Variants in CCDC13 observed in about 807,000 individuals in gnomAD.
The protein encoded by CCDC13 is coiled-coil domain containing 13.
CCDC13 carries 70 observed loss-of-function variants against 87.3 expected under a neutral mutation model. The ratio of observed to expected loss-of-function variants is 0.80; its 90% CI spans 0.66 to 0.98. The LOEUF is 0.98. Ranked by LOEUF, CCDC13 falls within the 50% of genes least tolerant of loss-of-function variation. The pLI, the probability that CCDC13 is intolerant of heterozygous loss-of-function variation, is 0.00. For synonymous variants in CCDC13, 317 were observed against 360.3 expected, an observed-to-expected ratio of 0.88 and a Z score of 1.36; for missense variants, 842 against 892.0, an observed-to-expected ratio of 0.94 and a Z score of 0.71.
intron 4 of CCDC13, among the ~76,000 whole-genome samples, 179 bp from the exon 5 acceptor site, chr3:42,752,204 A>G (rs1699602657): frequency 6.6e-6 from 1 of 152,208 alleles, no homozygotes. Flanking sequence ...AGAGGGTTTA[A>G]TTGATTGTCT....
intron 14 of CCDC13, among the ~76,000 whole-genome samples, chr3:42,711,740 TG>T (rs779884922): frequency 6.6e-6 from 1 of 152,172 alleles, no homozygotes; most frequent in African/African-American, 2.4e-5. Flanking sequence ...ATTTTACGGA[TG>T]GGCCAGGGGG....
rs1698170636 is a variant in CCDC13 at position 42,706,051 on chromosome 3, ATCATG to A, written c.*2924_*2928del. 1 of 152,304 alleles carries A rather than the reference ATCATG, an allele frequency of 6.6e-6. No individual in the cohort carries two copies. The highest frequency in any genetic ancestry group is 2.1e-4 in the South Asian group (1 of 4,828). The allele number at this position is 152,304 out of a possible 1,614,324, so 9.4% of individuals were successfully genotyped here. ...CCTGCATCCTTCCCCACCCAGCTCCATCATGGCGTTTCCCACACCTCTGATTGGAC... is the reference window on the plus strand; with the variant it reads ...CCTGCATCCTTCCCCACCCAGCTCCAGCGTTTCCCACACCTCTGATTGGAC... On this transcript the variant is annotated 3_prime_UTR_variant, in exon 16 of 16. Transcript: ENST00000310232.
At position 42,766,675 on chromosome 3, in the gene CCDC13, G is replaced by A. The variant is rs576769535; in HGVS notation, c.-7+6501C>T. ...TCCTCTCCAAGAATATTAGCAAATT[G>A]AATCCAATGATGTATTTGAAAAATT... On this transcript the variant is annotated intron_variant, in intron 1 of 15. Transcript: ENST00000310232. 2.1e-4 allele frequency among the ~76,000 whole-genome samples: 31 copies of A among 150,368 alleles called. No homozygotes were observed. In the East Asian group the frequency reaches 5.1e-3, roughly 25 times the overall value.
Position 42,746,009 on chromosome 3 carries a change from C to G in CCDC13, c.739G>C (p.Gly247Arg). The change falls in exon 7 of 16, where the codon GGG becomes CGG. Residue 247 changes from glycine to arginine, a missense_variant. Gly to Arg is a moderately radical substitution (Grantham distance 125, BLOSUM62 -2). Transcript: ENST00000310232. ...MAQKVLAREV[G>R]EDINVQQLLS... ...AGCTGCTGAACGTTGATGTCTTCCC[C>G]AACCTCTCTGGCCAAAACCTGAAAT... 1 of 1,614,146 alleles carries G rather than the reference C, an allele frequency of 6.2e-7. No homozygotes were observed. Among genetic ancestry groups the G allele is most frequent in the South Asian group, 1.1e-5 (1 of 91,086 alleles).
At chr3:42,722,834 T>C (rs1439612125) in intron 13 of CCDC13, among the ~76,000 whole-genome samples, 1 of 143,976 alleles carries the variant, frequency 6.9e-6, no homozygotes, top group Non-Finnish European at 1.5e-5. Flanking sequence ...TCTCGCTCAG[T>C]CACCCAGGCT....
intron 13 of CCDC13, among the ~76,000 whole-genome samples, 173 bp downstream of exon 13, chr3:42,730,294 T>C (rs1017809026): frequency 2.6e-5 from 4 of 151,850 alleles, no homozygotes; most frequent in Non-Finnish European, 4.4e-5. Flanking sequence ...CAAAACACAG[T>C]GTGACGACAA....
At chr3:42,754,832 AT>A (rs1553692506) in intron 3 of CCDC13, among the ~76,000 whole-genome samples, 2 of 151,398 alleles carry the variant, frequency 1.3e-5, no homozygotes, top group African/African-American at 2.4e-5. Context: ...TCCTCTGGGT[AT>A]TTTTTTTTCC....
intron 1 of CCDC13, 124 bp from the exon 2 acceptor site, chr3:42,758,475 A>G (rs1699759448): frequency 2.3e-6 from 2 of 878,032 alleles, no homozygotes; most frequent in Non-Finnish European, 1.7e-6. Context: ...ATGTCCACGC[A>G]GAAGCTTGGA....
intron 1 of CCDC13, among the ~76,000 whole-genome samples, chr3:42,767,593 G>C (rs1274253867): frequency 6.6e-6 from 1 of 152,166 alleles, no homozygotes; most frequent in Non-Finnish European, 1.5e-5. Flanking sequence ...TGATTCCAAA[G>C]TTTATGTGGA....
At chr3:42,733,363 A>T in intron 11 of CCDC13, 107 bp downstream of exon 11, 13 of 1,349,602 alleles carry the variant, frequency 9.6e-6, no homozygotes, top group Non-Finnish European at 9.5e-6. Flanking sequence ...CAGCATAGTC[A>T]TCTTAAAATT....
At chr3:42,724,067 G>A (rs922248477) in intron 13 of CCDC13, among the ~76,000 whole-genome samples, 10 of 152,058 alleles carry the variant, frequency 6.6e-5, no homozygotes, top group Non-Finnish European at 1.3e-4. Context: ...GTGGGGGAGG[G>A]GCTTTCACTT....
Position 42,733,621 on chromosome 3 carries a change from G to C in CCDC13, c.1372-12C>G, listed in dbSNP as rs1485150845. 1 of 1,588,272 alleles carries C rather than the reference G, an allele frequency of 6.3e-7. No individual in the cohort carries two copies. The highest frequency in any genetic ancestry group is 8.6e-7 in the Non-Finnish European group (1 of 1,166,370). On this transcript the variant is annotated splice_polypyrimidine_tract_variant and intron_variant, in intron 10 of 15. Coordinates refer to ENST00000310232, the MANE Select transcript of CCDC13 (RefSeq NM_144719.4). ...TTATTCCGAAGATACTGTAGGAACA[G>C]ATGTGGGTTCCATCCTCAGGGCTTT...
In CCDC13 at chr3:42,742,013, C is replaced by T. The variant is rs142235515; in HGVS notation, c.987+883G>A. 5.0e-3 allele frequency among the ~76,000 whole-genome samples: 757 copies of T among 152,358 alleles called. 7 individuals are homozygous for T. Among genetic ancestry groups the T allele is most frequent in the African/African-American group, 0.017 (717 of 41,576 alleles). On this transcript the variant is annotated intron_variant, in intron 8 of 15. Coordinates refer to ENST00000310232, the MANE Select transcript of CCDC13 (RefSeq NM_144719.4). The stretch of plus-strand genomic sequence containing the variant: ...AGGTAGCTCACTGCCAGGGCCACTA[C>T]GTGGGCCTGTTGTATGGCCTGCCTG...
chr3:42,709,266 T>TC, intron 15 of CCDC13, 127 bp from the exon 16 acceptor site: 1 of 918,474 alleles, frequency 1.1e-6, no homozygotes, highest in Non-Finnish European at 1.6e-6. Flanking sequence ...CTCTGACCCA[T>TC]CCCCTCCTCT....
Position 42,730,493 on chromosome 3 carries a change from G to A in CCDC13, c.1692C>T (p.Thr564=), listed in dbSNP as rs770104913. 3.4e-5 allele frequency: 55 copies of A among 1,614,054 alleles called. No individual in the cohort carries two copies. The highest frequency in any genetic ancestry group is 1.7e-4 in the Middle Eastern group (1 of 6,060). ...QAAEVERDRL[T]EFVTVLQKRV... The stretch of plus-strand genomic sequence containing the variant: ...GTTTCTGCAGGACAGTGACAAACTC[G>A]GTGAGCCGGTCACGCTCCACCTCGG... Residue 564 remains threonine (T), a synonymous_variant, in exon 13 of 16, where the codon ACC becomes ACT. Coordinates refer to ENST00000310232, the MANE Select transcript of CCDC13 (RefSeq NM_144719.4).
At chr3:42,737,029 C>T (rs1699044893) in intron 9 of CCDC13, among the ~76,000 whole-genome samples, 1 of 152,178 alleles carries the variant, frequency 6.6e-6, no homozygotes, top group African/African-American at 2.4e-5. Flanking sequence ...TCATCATTTA[C>T]ATTAGGTATT....
chr3:42,759,082 A>T (rs1016271978), intron 1 of CCDC13, among the ~76,000 whole-genome samples: 22 of 152,216 alleles, frequency 1.4e-4, no homozygotes, highest in Admixed American at 4.6e-4. Flanking sequence ...GCACTTTGGG[A>T]GGCCAAGGTG....
intron 1 of CCDC13, among the ~76,000 whole-genome samples, chr3:42,760,292 CTAAATAAA>C (rs56384940): frequency 0.18 from 25,556 of 144,506 alleles, 2,424 homozygotes; most frequent in South Asian, 0.27. Context: ...ATTCTTGTCT[CTAAATAAA>C]TAAATAAATA....
In CCDC13 at chr3:42,729,559, C is replaced by T. The variant is rs767423994; in HGVS notation, c.1718+908G>A. On this transcript the variant is annotated intron_variant, in intron 13 of 15. Transcript: ENST00000310232. ...AGTGCCCTCACATGTGGGGTGGATA[C>T]GGGCGCAGCACTGGCCAGTTCAACC... is the stretch of plus-strand genomic sequence containing the variant. Among the ~76,000 whole-genome samples, 5 of 152,192 alleles carry T rather than the reference C, an allele frequency of 3.3e-5. No homozygotes were observed. In the East Asian group the frequency reaches 5.8e-4, roughly 18 times the overall value.
Sources: gnomAD v4.1 joint callset for allele counts (sites outside exome capture counted in the v4.1 genomes callset) on GRCh38, gnomAD v4.1.1 for gene constraint, MANE v1.5 for transcripts, NCBI Gene and HGNC (gene_info 2026-07-23, HGNC 2026-07-21) for gene names.